PRPF38A: variants seen among roughly 807,000 people sequenced by gnomAD.
PRPF38A encodes the protein pre-mRNA processing factor 38A, also known as pre-mRNA-splicing factor 38A.
A neutral mutation model predicts 46.8 loss-of-function variants in PRPF38A; 11 were observed. The observed-to-expected ratio is 0.24, with a 90% CI of 0.15 to 0.39. The LOEUF (loss-of-function observed/expected upper bound fraction) is 0.39, where lower values mean the gene tolerates loss of function less well. Among genes scored for constraint, PRPF38A ranks in the 10% least tolerant of loss-of-function variants. The pLI is 1.00. For missense variants in PRPF38A, 261 were observed against 407.5 expected, an observed-to-expected ratio of 0.64 and a Z score of 3.10; for synonymous variants, 124 against 136.2, an observed-to-expected ratio of 0.91 and a Z score of 0.62.
chr1:52,408,483 T>C, intron 2 of PRPF38A, 86 bp from the exon 3 acceptor site: 1 of 1,562,148 alleles, frequency 6.4e-7, no homozygotes, highest in Non-Finnish European at 8.8e-7. Flanking sequence ...AGAACATGTT[T>C]ATCCACTACT....
chr1:52,412,301 A>AGAAAATGAAGAT (rs1363618768), intron 4 of PRPF38A, among the ~76,000 whole-genome samples: 3 of 152,232 alleles, frequency 2.0e-5, no homozygotes, highest in African/African-American at 7.2e-5. Flanking sequence ...TAGAGTCAAT[A>AGAAAATGAAGAT]GAAAATGAAG....
Position 52,416,866 on chromosome 1 carries a change from T to TAATC in PRPF38A, c.*179_*182dup, listed in dbSNP as rs1648308664. 3.2e-6 allele frequency: 2 copies of TAATC among 617,944 alleles called. No homozygotes were observed. Among genetic ancestry groups the TAATC allele is most frequent in the African/African-American group, 3.7e-5 (2 of 53,890 alleles). The allele number at this position is 617,944 out of a possible 1,614,324, so 38.3% of individuals were successfully genotyped here. ...GCTGAGTTTTGTATCTTTTTAATCATAATCAACATCAGTTTTTGACCCAAC... is the reference window on the plus strand; with the variant it reads ...GCTGAGTTTTGTATCTTTTTAATCATAATCAATCAACATCAGTTTTTGACCCAAC... On this transcript the variant is annotated 3_prime_UTR_variant, in exon 10 of 10. Coordinates refer to ENST00000257181, the MANE Select transcript of PRPF38A (RefSeq NM_032864.4).
intron 5 of PRPF38A, among the ~76,000 whole-genome samples, chr1:52,413,411 C>CT (rs549631051): frequency 0.021 from 3,049 of 146,258 alleles, 43 homozygotes; most frequent in African/African-American, 0.037. Context: ...AGGAAGCAAA[C>CT]TTTTTTTTTT....
intron 9 of PRPF38A, among the ~76,000 whole-genome samples, chr1:52,415,616 C>G (rs1025178661): frequency 6.7e-6 from 1 of 150,180 alleles, no homozygotes; most frequent in Non-Finnish European, 1.5e-5. Flanking sequence ...TGGCGTGAAC[C>G]TGGCTCACTG....
chr1:52,410,875 T>G (rs1285382566), intron 3 of PRPF38A, among the ~76,000 whole-genome samples: 1 of 152,190 alleles, frequency 6.6e-6, no homozygotes, highest in Non-Finnish European at 1.5e-5. Flanking sequence ...AAGGTTCAGA[T>G]GAGAAATTAT....
rs917647363 is a variant in PRPF38A, at chr1:52,417,683, C to G, written c.*993C>G. 2 of 152,048 alleles carry G rather than the reference C, an allele frequency of 1.3e-5. No homozygotes were observed. The highest frequency in any genetic ancestry group is 4.8e-5 in the African/African-American group (2 of 41,376). The allele number at this position is 152,048 out of a possible 1,614,324, so 9.4% of individuals were successfully genotyped here. A position where few individuals can be genotyped will look rare whatever the true frequency, so the allele number is the denominator to read the frequency against. On this transcript the variant is annotated 3_prime_UTR_variant, in exon 10 of 10. Transcript: ENST00000257181. ...CCAGAGTTTAACATAGCGATCTAGG[C>G]CAGAATTGACAATGTTTAAGTAATG...
rs1012622984 is a variant in PRPF38A at position 52,413,792 on chromosome 1, C to G, written c.610-87C>G. 6 of 837,332 alleles carry G rather than the reference C, an allele frequency of 7.2e-6. No homozygotes were observed. The African/African-American group carries it at 1.0e-4, about 14-fold the overall frequency. 51.9% of individuals were successfully genotyped at this position (837,332 alleles called of 1,614,324 possible). On this transcript the variant is annotated intron_variant, in intron 5 of 9. Coordinates refer to ENST00000257181, the MANE Select transcript of PRPF38A (RefSeq NM_032864.4). ...AGTCACATGGAGATGGACTTTGGGA[C>G]AAGATGGGGCGTGAAGTATAATTAG...
In PRPF38A at chr1:52,408,653, T is replaced by C; in HGVS notation, c.375T>C (p.Asn125=). ...ACAAGTACTTGGAACCTTTGTACAA[T>C]GACTATCGAAAAATCAAGAGCCAGA... The part of the protein sequence containing the change: ...DCYKYLEPLY[N]DYRKIKSQNR... Residue 125 remains asparagine (N), a synonymous_variant, in exon 3 of 10, where the codon AAT becomes AAC. Transcript: ENST00000257181. 1 of 1,614,220 alleles carries C rather than the reference T, an allele frequency of 6.2e-7. No individual in the cohort carries two copies. Among genetic ancestry groups the C allele is most frequent in the African/African-American group, 1.3e-5 (1 of 75,070 alleles).
intron 2 of PRPF38A, among the ~76,000 whole-genome samples, chr1:52,407,725 A>C (rs1281784526): frequency 6.6e-6 from 1 of 152,218 alleles, no homozygotes; most frequent in Admixed American, 6.5e-5. Context: ...GTTCAAGACC[A>C]GCCTGGCCAA....
Position 52,418,637 on chromosome 1 carries a change from G to C in PRPF38A, c.*1947G>C, listed in dbSNP as rs1648357686. On this transcript the variant is annotated 3_prime_UTR_variant, in exon 10 of 10. Coordinates refer to ENST00000257181, the MANE Select transcript of PRPF38A (RefSeq NM_032864.4). ...AGAGAATGTCCCTATTCTTTAATTA[G>C]AAGAAGGAGGTAAGAGTAAGACATG... is the stretch of plus-strand genomic sequence containing the variant. The C allele has an allele frequency of 6.6e-6, 1 of 152,152 alleles. No individual in the cohort carries two copies. Among genetic ancestry groups the C allele is most frequent in the South Asian group, 2.1e-4 (1 of 4,834 alleles). The allele number at this position is 152,152 out of a possible 1,614,324, so 9.4% of individuals were successfully genotyped here. A position where few individuals can be genotyped will look rare whatever the true frequency, so the allele number is the denominator to read the frequency against.
rs1272141506 is a variant in PRPF38A, at chr1:52,420,358, G to T, written c.*3668G>T. ...AGAAACTTTAAAAATAATGGGCAAT[G>T]ATTATAAAGTCAAATATTATGAACA... On this transcript the variant is annotated 3_prime_UTR_variant, in exon 10 of 10. Transcript: ENST00000257181. 1 of 152,108 alleles carries T rather than the reference G, an allele frequency of 6.6e-6. No homozygotes were observed. The highest frequency in any genetic ancestry group is 1.5e-5 in the Non-Finnish European group (1 of 68,022). The allele number at this position is 152,108 out of a possible 1,614,324, so 9.4% of individuals were successfully genotyped here. A position where few individuals can be genotyped will look rare whatever the true frequency, so the allele number is the denominator to read the frequency against.
Position 52,417,029 on chromosome 1 carries a change from G to GTAGT in PRPF38A, c.*341_*344dup. The GTAGT allele has an allele frequency of 4.5e-6, 1 of 223,456 alleles. No homozygotes were observed. The highest frequency in any genetic ancestry group is 2.3e-5 in the African/African-American group (1 of 44,116). The allele number at this position is 223,456 out of a possible 1,614,324, so 13.8% of individuals were successfully genotyped here. A position where few individuals can be genotyped will look rare whatever the true frequency, so the allele number is the denominator to read the frequency against. On this transcript the variant is annotated 3_prime_UTR_variant, in exon 10 of 10. Transcript: ENST00000257181. Reference sequence around the variant, plus strand: ...GGACACACCTGTTTCCCATTTCGCTGTAGTTTAGTTTTTGGTTTGTTGTGG... The same window carrying GTAGT: ...GGACACACCTGTTTCCCATTTCGCTGTAGTTAGTTTAGTTTTTGGTTTGTTGTGG...
rs777629220 is a variant in PRPF38A at position 52,416,932 on chromosome 1, C to T, written c.*242C>T. The T allele has an allele frequency of 8.3e-6, 4 of 481,874 alleles. No homozygotes were observed. The highest frequency in any genetic ancestry group is 1.1e-5 in the Non-Finnish European group (3 of 265,704). 29.8% of individuals were successfully genotyped at this position (481,874 alleles called of 1,614,324 possible). On this transcript the variant is annotated 3_prime_UTR_variant, in exon 10 of 10. Coordinates refer to ENST00000257181, the MANE Select transcript of PRPF38A (RefSeq NM_032864.4). ...TCAAACTTATGAGAGTATAAAGGATCTGGAGGTTGGGGATATGACTGACAA... is the reference window on the plus strand; with the variant it reads ...TCAAACTTATGAGAGTATAAAGGATTTGGAGGTTGGGGATATGACTGACAA...
Position 52,414,011 on chromosome 1 carries a change from C to G in PRPF38A, c.722+20C>G, listed in dbSNP as rs201213110. On this transcript the variant is annotated intron_variant, in intron 6 of 9. Coordinates refer to ENST00000257181, the MANE Select transcript of PRPF38A (RefSeq NM_032864.4). The stretch of plus-strand genomic sequence containing the variant: ...CAGAAGGTAAAGCCTAGTCATTGGC[C>G]TTTTCCCAGAAGATTTTGAGCACTG... The G allele has an allele frequency of 1.6e-5, 25 of 1,528,192 alleles. No individual in the cohort carries two copies. The East Asian group carries it at 4.7e-4, about 29-fold the overall frequency. 94.7% of individuals were successfully genotyped at this position (1,528,192 alleles called of 1,614,324 possible).
At chr1:52,407,525 A>G (rs898040419) in intron 2 of PRPF38A, among the ~76,000 whole-genome samples, 23 of 152,250 alleles carry the variant, frequency 1.5e-4, no homozygotes, top group African/African-American at 2.4e-5. Flanking sequence ...TTACGGAGTC[A>G]GAATTTGAAC....
intron 3 of PRPF38A, among the ~76,000 whole-genome samples, chr1:52,409,325 T>C (rs978765502): frequency 4.6e-5 from 7 of 152,172 alleles, no homozygotes; most frequent in Non-Finnish European, 1.0e-4. Flanking sequence ...GGTTAAGAAT[T>C]TGGGGCCAAG....
intron 8 of PRPF38A, 87 bp downstream of exon 8, chr1:52,414,946 GAC>G: frequency 8.4e-7 from 1 of 1,196,986 alleles, no homozygotes; most frequent in Non-Finnish European, 1.2e-6. Flanking sequence ...AGGAGTGCCT[GAC>G]TGTACTGCCT....
At chr1:52,408,332 T>A in intron 2 of PRPF38A, 1 of 646,044 alleles carries the variant, frequency 1.5e-6, no homozygotes, top group Non-Finnish European at 2.8e-6. Context: ...ATGATATATT[T>A]GAAAGTTGAT....
chr1:52,407,608 T>C (rs187220112), intron 2 of PRPF38A, among the ~76,000 whole-genome samples: 1 of 152,354 alleles, frequency 6.6e-6, no homozygotes, highest in East Asian at 1.9e-4. Context: ...TTATTAAATA[T>C]ATCTTCTTTC....
Sources: allele counts gnomAD v4.1 joint callset (sites outside exome capture counted in the v4.1 genomes callset), GRCh38; gene constraint gnomAD v4.1.1; transcripts MANE v1.5; gene names NCBI Gene and HGNC (gene_info 2026-07-23, HGNC 2026-07-21).